The following FANCC variants were observed in gnomAD, a reference collection of about 807,000 sequenced individuals.
The protein encoded by FANCC is Fanconi anemia group C protein.
In FANCC, 55 loss-of-function variants were observed where a neutral mutation model predicts 71.3. That is an observed-to-expected ratio of 0.77 (90% confidence interval 0.62 to 0.97). The LOEUF (loss-of-function observed/expected upper bound fraction) is 0.97. Among genes scored for constraint, FANCC ranks in the 50% least tolerant of loss-of-function variants. FANCC has a pLI of 0.00. For synonymous variants in FANCC, 275 were observed against 244.9 expected, an observed-to-expected ratio of 1.12 and a Z score of -1.15; for missense variants, 678 against 670.9, an observed-to-expected ratio of 1.01 and a Z score of -0.12.
At chr9:95,129,799 T>C (rs1826609870) in intron 8 of FANCC, among the ~76,000 whole-genome samples, 1 of 152,146 alleles carries the variant, frequency 6.6e-6, no homozygotes, top group Non-Finnish European at 1.5e-5. Flanking sequence ...GGCTTTTCAC[T>C]GAATGCCCAG....
At chr9:95,233,888 T>C (rs1462061189) in intron 4 of FANCC, among the ~76,000 whole-genome samples, 1 of 152,152 alleles carries the variant, frequency 6.6e-6, no homozygotes, top group African/African-American at 2.4e-5. Context: ...TGGTCATGTG[T>C]CACAAGTAGT....
chr9:95,234,456 T>C (rs974546389), intron 4 of FANCC, among the ~76,000 whole-genome samples: 1 of 152,350 alleles, frequency 6.6e-6, no homozygotes, highest in African/African-American at 2.4e-5. Context: ...AGTTATTTTG[T>C]GTTTTAGTGA....
At chr9:95,153,968 G>A (rs1830320218) in intron 6 of FANCC, among the ~76,000 whole-genome samples, 1 of 152,118 alleles carries the variant, frequency 6.6e-6, no homozygotes, top group Admixed American at 6.6e-5. Flanking sequence ...TGGGAGGGCT[G>A]GGTGTGGTGG....
chr9:95,259,685 G>A (rs368744237), intron 1 of FANCC, among the ~76,000 whole-genome samples: 1 of 152,160 alleles, frequency 6.6e-6, no homozygotes, highest in African/African-American at 2.4e-5. Flanking sequence ...AGCTAAAATT[G>A]ACAAATGGGA....
intron 10 of FANCC, among the ~76,000 whole-genome samples, chr9:95,122,484 A>T (rs2072961789): frequency 6.6e-6 from 1 of 152,096 alleles, no homozygotes; most frequent in Non-Finnish European, 1.5e-5. Flanking sequence ...AAGCAAAGAG[A>T]CTTTCCTTTC....
Position 95,239,552 on chromosome 9 carries a change from A to G in FANCC, c.345+1097T>C, listed in dbSNP as rs1830514838. The stretch of plus-strand genomic sequence containing the variant: ...AAAATATCAAATAATAAAAGCAACA[A>G]TTAAAAAAATTAAGGACTAAATATG... On this transcript the variant is annotated intron_variant, in intron 4 of 14. Transcript: ENST00000289081. Among the ~76,000 whole-genome samples, 3 of 152,198 alleles carry G rather than the reference A, an allele frequency of 2.0e-5. No individual in the cohort carries two copies. The South Asian group carries it at 6.2e-4, about 31-fold the overall frequency.
rs2071929561 is a variant in FANCC, at chr9:95,111,478, C to T, written c.1314G>A (p.Gln438=). Residue 438 remains glutamine, a synonymous_variant, in exon 13 of 15, where the codon CAG becomes CAA. Transcript: ENST00000289081. The part of the protein sequence containing the change: ...FYYGPRDGRQ[Q]RAQTMVQVKA... Reference sequence around the variant, plus strand: ...TGCTACCCACCATAGTCTGTGCTCTCTGCTGCCTCCCATCACGGGGGCCGT... The same window carrying T: ...TGCTACCCACCATAGTCTGTGCTCTTTGCTGCCTCCCATCACGGGGGCCGT... 5 of 1,613,486 alleles carry T rather than the reference C, an allele frequency of 3.1e-6. No homozygotes were observed. Among genetic ancestry groups the T allele is most frequent in the Non-Finnish European group, 3.4e-6 (4 of 1,180,028 alleles).
chr9:95,252,006 A>C (rs549505065), intron 1 of FANCC, among the ~76,000 whole-genome samples: 4 of 152,176 alleles, frequency 2.6e-5, no homozygotes, highest in Non-Finnish European at 5.9e-5. Context: ...GGCGGGGCAC[A>C]GTGGCTCACA....
At chr9:95,197,945 G>C (rs1248399159) in intron 4 of FANCC, among the ~76,000 whole-genome samples, 1 of 152,210 alleles carries the variant, frequency 6.6e-6, no homozygotes, top group Non-Finnish European at 1.5e-5. Context: ...GTAGGCATCA[G>C]TGGCCAAATT....
intron 13 of FANCC, chr9:95,110,402 T>TA: frequency 9.8e-7 from 1 of 1,024,414 alleles, no homozygotes; most frequent in Non-Finnish European, 1.2e-6. Context: ...TTATTACTGT[T>TA]AAAAACATCA....
chr9:95,268,067 C>T (rs1238611053), intron 1 of FANCC, among the ~76,000 whole-genome samples: 3 of 152,244 alleles, frequency 2.0e-5, no homozygotes, highest in Non-Finnish European at 2.9e-5. Context: ...CAGATCAGCA[C>T]ATCCAGGCTG....
At chr9:95,219,317 G>A (rs1424861436) in intron 4 of FANCC, among the ~76,000 whole-genome samples, 2 of 152,038 alleles carry the variant, frequency 1.3e-5, no homozygotes, top group African/African-American at 2.4e-5. Context: ...TGTATACAGC[G>A]GAATTGGAAA....
intron 1 of FANCC, among the ~76,000 whole-genome samples, chr9:95,266,402 T>C (rs761053057): frequency 2.0e-5 from 3 of 152,226 alleles, no homozygotes; most frequent in Admixed American, 6.5e-5. Context: ...TTCTGTTGAC[T>C]GGCCAATACT....
At chr9:95,251,346 C>T (rs1400405850) in intron 1 of FANCC, among the ~76,000 whole-genome samples, 1 of 152,090 alleles carries the variant, frequency 6.6e-6, no homozygotes, top group Admixed American at 6.5e-5. Flanking sequence ...GACGAAGTCT[C>T]ACTCTATCTC....
At chr9:95,312,742 G>A (rs189021589) in intron 1 of FANCC, among the ~76,000 whole-genome samples, 2 of 152,350 alleles carry the variant, frequency 1.3e-5, no homozygotes, top group East Asian at 3.9e-4. Flanking sequence ...AGGAATAGGA[G>A]ATATAAGGAG....
intron 4 of FANCC, among the ~76,000 whole-genome samples, chr9:95,210,812 G>A (rs1321804923): frequency 3.9e-5 from 6 of 152,022 alleles, no homozygotes; most frequent in Non-Finnish European, 8.8e-5. Flanking sequence ...TTAACAAATG[G>A]CAATTATTAC....
chr9:95,268,341 C>G (rs1419691287), intron 1 of FANCC, among the ~76,000 whole-genome samples: 1 of 152,184 alleles, frequency 6.6e-6, no homozygotes, highest in Non-Finnish European at 1.5e-5. Context: ...AACTTCGGAC[C>G]AAGGAACTCA....
chr9:95,258,204 T>C (rs1831792017), intron 1 of FANCC, among the ~76,000 whole-genome samples: 1 of 152,170 alleles, frequency 6.6e-6, no homozygotes, highest in South Asian at 2.1e-4. Context: ...GTCAGCATCA[T>C]CTTGATACCA....
At chr9:95,215,351 G>A (rs1288801766) in intron 4 of FANCC, among the ~76,000 whole-genome samples, 1 of 152,102 alleles carries the variant, frequency 6.6e-6, no homozygotes, top group Non-Finnish European at 1.5e-5. Flanking sequence ...GGAAGAAGGT[G>A]GTAGGAGAGG....
Sources: gnomAD v4.1 joint callset for allele counts (sites outside exome capture counted in the v4.1 genomes callset) on GRCh38, gnomAD v4.1.1 for gene constraint, MANE v1.5 for transcripts, NCBI Gene and HGNC (gene_info 2026-07-23, HGNC 2026-07-21) for gene names.